ZRANB2: variants seen among roughly 807,000 people sequenced by gnomAD.
ZRANB2 encodes the protein zinc finger RANBP2-type containing 2.
Under a neutral mutation model 53.4 loss-of-function variants are expected in ZRANB2, and 19 were observed. The ratio of observed to expected loss-of-function variants is 0.36; its 90% CI spans 0.25 to 0.52. The LOEUF is 0.52. Ranked by LOEUF, ZRANB2 falls within the 20% of genes least tolerant of loss-of-function variation. The probability of loss-of-function intolerance (pLI) is 0.93; values close to 1 mark genes in which losing one functional copy is unlikely to be tolerated. For missense variants in ZRANB2, 309 were observed against 401.1 expected, an observed-to-expected ratio of 0.77 and a Z score of 1.96; for synonymous variants, 145 against 134.8, an observed-to-expected ratio of 1.08 and a Z score of -0.52.
chr1:71,063,329 C>A lies in ZRANB2; in HGVS notation c.*1745G>T, dbSNP rs377397636. 6.6e-6 allele frequency: 1 copy of A among 152,348 alleles called. No homozygotes were observed. Among genetic ancestry groups the A allele is most frequent in the African/African-American group, 2.4e-5 (1 of 41,404 alleles). The allele number at this position is 152,348 out of a possible 1,614,324, so 9.4% of individuals were successfully genotyped here. ...ATCTCTAGTTTATTTCTAACAAACA[C>A]CACTTGATGCTTGACTCACAGGCTT... On this transcript the variant is annotated 3_prime_UTR_variant, in exon 10 of 10. Transcript: ENST00000370920.
chr1:71,065,900 C>G, intron 9 of ZRANB2: 2 of 1,199,914 alleles, frequency 1.7e-6, no homozygotes, highest in East Asian at 5.0e-5. Context: ...TACAAAGAAA[C>G]AAATGCAGAG....
At chr1:71,073,098 A>G (rs1661629959) in intron 4 of ZRANB2, among the ~76,000 whole-genome samples, 1 of 152,118 alleles carries the variant, frequency 6.6e-6, no homozygotes, top group South Asian at 2.1e-4. Context: ...CACATAGGTA[A>G]AAGTCACACA....
chr1:71,078,839 A>T lies in ZRANB2; in HGVS notation c.57-131T>A, dbSNP rs1284789700. On this transcript the variant is annotated intron_variant, in intron 1 of 9. Transcript: ENST00000370920. Reference sequence around the variant, plus strand: ...AGTCATGTTAATGTCAATGTTACCAACAAAAAACTCCACACAATTTACTGG... The same window carrying T: ...AGTCATGTTAATGTCAATGTTACCATCAAAAAACTCCACACAATTTACTGG... The T allele has an allele frequency of 6.5e-6, 5 of 771,996 alleles. No homozygotes were observed. In the African/African-American group the frequency reaches 8.8e-5, roughly 14 times the overall value. 47.8% of individuals were successfully genotyped at this position (771,996 alleles called of 1,614,324 possible). A position where few individuals can be genotyped will look rare whatever the true frequency, so the allele number is the denominator to read the frequency against.
intron 8 of ZRANB2, chr1:71,067,799 A>G: frequency 2.7e-6 from 1 of 371,324 alleles, no homozygotes; most frequent in Non-Finnish European, 5.2e-6. Context: ...CCAGAACTTA[A>G]GGATTTTTAC....
intron 6 of ZRANB2, among the ~76,000 whole-genome samples, chr1:71,071,579 A>C (rs1427570147): frequency 6.6e-6 from 1 of 152,108 alleles, no homozygotes; most frequent in East Asian, 1.9e-4. Flanking sequence ...GTATCACCAG[A>C]CCTGAAATGT....
chr1:71,076,386 G>C (rs1661711403), intron 4 of ZRANB2, among the ~76,000 whole-genome samples: 1 of 152,154 alleles, frequency 6.6e-6, no homozygotes, highest in Admixed American at 6.5e-5. Flanking sequence ...CTAGCACATA[G>C]CTTAAGTTTC....
intron 9 of ZRANB2, chr1:71,066,031 T>C: frequency 4.0e-6 from 1 of 248,128 alleles, no homozygotes; most frequent in East Asian, 7.9e-5. Flanking sequence ...ATTAATAGAC[T>C]TTACATAATC....
chr1:71,080,765 G>A lies in ZRANB2; in HGVS notation c.56+175C>T, dbSNP rs143459745. On this transcript the variant is annotated intron_variant, in intron 1 of 9. Transcript: ENST00000370920. ...GACATATCTAGAACAAAGGCTCCCG[G>A]AAAGACCTCTCTCGTGAGGAGATTG... 4.1e-4 allele frequency among the ~76,000 whole-genome samples: 62 copies of A among 152,342 alleles called. No individual in the cohort carries two copies. The East Asian group carries it at 6.4e-3, about 16-fold the overall frequency.
chr1:71,069,277 T>G lies in ZRANB2; in HGVS notation c.769A>C (p.Arg257=). The G allele has an allele frequency of 6.2e-7, 1 of 1,610,726 alleles. No individual in the cohort carries two copies. The highest frequency in any genetic ancestry group is 1.7e-5 in the Admixed American group (1 of 59,676). Reference sequence around the variant, plus strand: ...ACAGAGAGATGCTACCTCATTCACCTTGATTTCGACCCACGAGATCTCGAA... The same window carrying G: ...ACAGAGAGATGCTACCTCATTCACCGTGATTTCGACCCACGAGATCTCGAA... ...ERSRSRGSKS[R]SSSRSHRGSS... Residue 257 remains arginine, a splice_region_variant and synonymous_variant, in exon 8 of 10, where the codon AGA becomes CGA. Transcript: ENST00000370920.
At chr1:71,065,230 G>A in intron 9 of ZRANB2, 93 bp from the exon 10 acceptor site, 1 of 954,438 alleles carries the variant, frequency 1.0e-6, no homozygotes, top group Non-Finnish European at 1.6e-6. Context: ...ACAAAATTCA[G>A]TACCATGATG....
At chr1:71,072,961 A>G (rs1661626887) in intron 4 of ZRANB2, among the ~76,000 whole-genome samples, 1 of 152,106 alleles carries the variant, frequency 6.6e-6, no homozygotes. Flanking sequence ...AAATCTTCTG[A>G]TATTCTGAAA....
At chr1:71,075,966 T>C (rs994452932) in intron 4 of ZRANB2, among the ~76,000 whole-genome samples, 12 of 151,992 alleles carry the variant, frequency 7.9e-5, no homozygotes, top group African/African-American at 2.9e-4. Flanking sequence ...GTCGAAAAGA[T>C]TGAACAGTGG....
At position 71,064,798 on chromosome 1, in the gene ZRANB2, G is replaced by A; in HGVS notation, c.*276C>T. Reference sequence around the variant, plus strand: ...AAATGACAAAAATGGGTTTAAATTAGGAAGCAAAGTACTTTGTTATAGCTG... The same window carrying A: ...AAATGACAAAAATGGGTTTAAATTAAGAAGCAAAGTACTTTGTTATAGCTG... On this transcript the variant is annotated 3_prime_UTR_variant, in exon 10 of 10. Coordinates refer to ENST00000370920, the MANE Select transcript of ZRANB2 (RefSeq NM_203350.3). 1 of 252,368 alleles carries A rather than the reference G, an allele frequency of 4.0e-6. No individual in the cohort carries two copies. The highest frequency in any genetic ancestry group is 7.6e-6 in the Non-Finnish European group (1 of 132,006). The allele number at this position is 252,368 out of a possible 1,614,324, so 15.6% of individuals were successfully genotyped here. A position where few individuals can be genotyped will look rare whatever the true frequency, so the allele number is the denominator to read the frequency against.
Position 71,081,026 on chromosome 1 carries a change from C to G in ZRANB2, c.-31G>C, listed in dbSNP as rs769098609. The stretch of plus-strand genomic sequence containing the variant: ...ACGCCACCAGCACAGCCACCCGCAG[C>G]TATGTCTTCACAGGAGGAAAACGGG... On this transcript the variant is annotated 5_prime_UTR_variant, in exon 1 of 10. Coordinates refer to ENST00000370920, the MANE Select transcript of ZRANB2 (RefSeq NM_203350.3). 3 of 1,614,072 alleles carry G rather than the reference C, an allele frequency of 1.9e-6. No homozygotes were observed. In the South Asian group the frequency reaches 3.3e-5, roughly 18 times the overall value.
At chr1:71,070,014 T>A (rs1661560940) in intron 7 of ZRANB2, among the ~76,000 whole-genome samples, 1 of 152,148 alleles carries the variant, frequency 6.6e-6, no homozygotes, top group South Asian at 2.1e-4. Context: ...ACTATATTTT[T>A]ACCAAAAAAT....
chr1:71,076,659 C>A, intron 4 of ZRANB2, 136 bp downstream of exon 4: 1 of 686,734 alleles, frequency 1.5e-6, no homozygotes, highest in South Asian at 1.8e-5. Flanking sequence ...GGAAAAAAAT[C>A]CCAGTAACAA....
At chr1:71,074,928 ATACT>A (rs921566233) in intron 4 of ZRANB2, among the ~76,000 whole-genome samples, 2 of 152,224 alleles carry the variant, frequency 1.3e-5, no homozygotes, top group Non-Finnish European at 2.9e-5. Context: ...GCAAAGACAA[ATACT>A]TGTAGCAAGG....
At chr1:71,074,859 T>C (rs1160415301) in intron 4 of ZRANB2, among the ~76,000 whole-genome samples, 1 of 152,082 alleles carries the variant, frequency 6.6e-6, no homozygotes, top group Non-Finnish European at 1.5e-5. Flanking sequence ...TTATTACAAA[T>C]AGCCAAAAGA....
intron 8 of ZRANB2, chr1:71,067,326 T>G (rs963581511): frequency 5.1e-6 from 1 of 195,032 alleles, no homozygotes; most frequent in African/African-American, 2.4e-5. Context: ...GTATCTTATA[T>G]ACCACTTCCT....
Sources: allele counts gnomAD v4.1 joint callset (sites outside exome capture counted in the v4.1 genomes callset), GRCh38; gene constraint gnomAD v4.1.1; transcripts MANE v1.5; gene names NCBI Gene and HGNC (gene_info 2026-07-23, HGNC 2026-07-21).